OBP2B: variants seen among roughly 807,000 people sequenced by gnomAD.
The protein encoded by OBP2B is odorant binding protein 2B.
Under a neutral mutation model 21.7 loss-of-function variants are expected in OBP2B, and 10 were observed. The ratio of observed to expected loss-of-function variants is 0.46; its 90% CI spans 0.28 to 0.78. OBP2B has a LOEUF of 0.78. Ranked by LOEUF, OBP2B falls within the 30% of genes least tolerant of loss-of-function variation. OBP2B has a pLI of 0.11. For synonymous variants in OBP2B, 73 were observed against 91.5 expected (o/e 0.80, Z 1.16); for missense variants, 153 against 217.7 (o/e 0.70, Z 1.87).
chr9:133,215,742 A>G, the OBP2B span, among the ~76,000 whole-genome samples: 1 of 152,246 alleles, frequency 6.6e-6, no homozygotes, highest in Non-Finnish European at 1.5e-5. Context: ...GCATAGATCA[A>G]TGGGACAGAC....
At chr9:133,223,199 T>A in the OBP2B span, among the ~76,000 whole-genome samples, 3 of 152,130 alleles carry the variant, frequency 2.0e-5, no homozygotes, top group Non-Finnish European at 4.4e-5. The surrounding 1 kb of genome is among the most constrained non-coding windows in gnomAD (Gnocchi z 4.4). Context: ...TGGCCCCACA[T>A]AACATGGAGA....
the OBP2B span, among the ~76,000 whole-genome samples, chr9:133,218,034 A>G: frequency 2.6e-5 from 4 of 152,250 alleles, no homozygotes; most frequent in Admixed American, 1.3e-4. Flanking sequence ...TGGAAAAAGC[A>G]AAGTGGACAA....
intron 4 of OBP2B, 148 bp downstream of exon 4, chr9:133,207,078 G>C (rs1198109875): frequency 1.6e-5 from 10 of 629,344 alleles, no homozygotes; most frequent in Non-Finnish European, 2.8e-5. Context: ...CAGGTACTTG[G>C]ACCGGCTGCC....
At chr9:133,209,448 T>A (rs1833863322), upstream of OBP2B, among the ~76,000 whole-genome samples, 1 of 152,070 alleles carries the variant, frequency 6.6e-6, no homozygotes, top group Admixed American at 6.5e-5. The surrounding 1 kb of genome is among the most constrained non-coding windows in gnomAD (Gnocchi z 6.0). Flanking sequence ...ATCCAGAGTT[T>A]GCACCACCCG....
the OBP2B span, among the ~76,000 whole-genome samples, chr9:133,218,005 T>C: frequency 6.6e-6 from 1 of 152,238 alleles, no homozygotes; most frequent in African/African-American, 2.4e-5. Context: ...TACGTTATTT[T>C]AAATGGTGAT....
At chr9:133,213,972 A>C (rs147688129), upstream of OBP2B, among the ~76,000 whole-genome samples, 436 of 152,340 alleles carry the variant, frequency 2.9e-3, 2 homozygotes, top group African/African-American at 0.01. Context: ...ATAGATACAG[A>C]AATCCTTTAC....
intron 3 of OBP2B, among the ~76,000 whole-genome samples, chr9:133,207,600 T>C (rs1564285926): frequency 6.6e-6 from 1 of 152,046 alleles, no homozygotes; most frequent in Non-Finnish European, 1.5e-5. Context: ...CCTGCCCCAC[T>C]TCCCTGTCCC....
rs1228824756 is a variant in OBP2B at position 133,209,095 on chromosome 9, G to A, written c.72+33C>T. On this transcript the variant is annotated intron_variant, in intron 1 of 6. Coordinates refer to ENST00000372034, the MANE Select transcript of OBP2B (RefSeq NM_014581.4). The surrounding 1 kb of genome is among the most constrained non-coding windows in gnomAD (Gnocchi z 6.0). The stretch of plus-strand genomic sequence containing the variant: ...TGCCCCCTGCCCAGGAGTCCGCCTG[G>A]CTCCTCCATCCGCCCACGCCAACCC... 1 of 1,612,462 alleles carries A rather than the reference G, an allele frequency of 6.2e-7. No individual in the cohort carries two copies. Among genetic ancestry groups the A allele is most frequent in the Non-Finnish European group, 8.5e-7 (1 of 1,179,400 alleles).
At chr9:133,212,573 C>A (rs1381121440), upstream of OBP2B, among the ~76,000 whole-genome samples, 1 of 152,192 alleles carries the variant, frequency 6.6e-6, no homozygotes, top group African/African-American at 2.4e-5. Context: ...TGTGAATAAT[C>A]CACAGGTCAA....
chr9:133,211,576 G>A (rs1315404963), upstream of OBP2B, among the ~76,000 whole-genome samples: 1 of 152,220 alleles, frequency 6.6e-6, no homozygotes, highest in East Asian at 1.9e-4. Flanking sequence ...AGTCTGTAGG[G>A]ATAGTAACTG....
chr9:133,221,257 A>G, the OBP2B span, among the ~76,000 whole-genome samples: 9 of 152,178 alleles, frequency 5.9e-5, no homozygotes, highest in African/African-American at 2.2e-4. Flanking sequence ...CCTGCAGCTC[A>G]AGGAGGGAAA....
At chr9:133,209,626 A>G (rs1409610533), upstream of OBP2B, among the ~76,000 whole-genome samples, 1 of 152,088 alleles carries the variant, frequency 6.6e-6, no homozygotes, top group East Asian at 1.9e-4. The surrounding 1 kb of genome is among the most constrained non-coding windows in gnomAD (Gnocchi z 6.0). Flanking sequence ...CCTCTGGGGA[A>G]CTGGCCATCT....
At position 133,208,094 on chromosome 9, in the gene OBP2B, GT is replaced by G. The variant is rs1214648192; in HGVS notation, c.277+38del. 3.3e-6 allele frequency: 5 copies of G among 1,536,514 alleles called. No homozygotes were observed. In the East Asian group the frequency reaches 1.2e-4, roughly 38 times the overall value. ...GGAGGCTGGTGCACTGGGGTTGGCGGTGGGGGAGGGTGGGGGTGGGAGTGGG... is the reference window on the plus strand; with the variant it reads ...GGAGGCTGGTGCACTGGGGTTGGCGGGGGGGAGGGTGGGGGTGGGAGTGGG... On this transcript the variant is annotated intron_variant, in intron 3 of 6. Transcript: ENST00000372034.
At chr9:133,207,107 G>T (rs1390411834) in intron 4 of OBP2B, 119 bp downstream of exon 4, 7 of 729,586 alleles carry the variant, frequency 9.6e-6, no homozygotes, top group Non-Finnish European at 1.2e-5. Context: ...CCCGGCACAT[G>T]AAAGCCGGCA....
chr9:133,211,806 T>C (rs138463255), upstream of OBP2B, among the ~76,000 whole-genome samples: 267 of 152,348 alleles, frequency 1.8e-3, no homozygotes, highest in Non-Finnish European at 2.7e-3. Context: ...AGCCACCCAG[T>C]TGGTAGTATT....
At chr9:133,214,744 C>T in the OBP2B span, among the ~76,000 whole-genome samples, 1 of 152,150 alleles carries the variant, frequency 6.6e-6, no homozygotes, top group Non-Finnish European at 1.5e-5. Context: ...TAAAGAGTTT[C>T]GAAGTATGTT....
chr9:133,208,955 G>A (rs566241236), intron 1 of OBP2B, among the ~76,000 whole-genome samples, 173 bp downstream of exon 1: 6 of 151,566 alleles, frequency 4.0e-5, no homozygotes, highest in African/African-American at 7.3e-5. Context: ...CCTGGGCCTC[G>A]GGGGGCCGTG....
At chr9:133,206,469 C>T (rs1564284930) in intron 4 of OBP2B, 53 bp from the exon 5 acceptor site, 1 of 1,606,314 alleles carries the variant, frequency 6.2e-7, no homozygotes, top group Non-Finnish European at 8.5e-7. Context: ...CACGGCCCTG[C>T]AGGGAGCAGA....
intron 6 of OBP2B, 46 bp downstream of exon 6, chr9:133,205,871 C>T: frequency 6.2e-7 from 1 of 1,613,734 alleles, no homozygotes. Context: ...ACCCCGGGAA[C>T]CCAGGACTCT....
Sources: gnomAD v4.1 joint callset for allele counts (sites outside exome capture counted in the v4.1 genomes callset) on GRCh38, gnomAD v4.1.1 for gene constraint, Gnocchi (gnomAD v3.1) non-coding constraint, MANE v1.5 for transcripts, NCBI Gene and HGNC (gene_info 2026-07-23, HGNC 2026-07-21) for gene names.